KDM2B: variants seen among roughly 807,000 people sequenced by gnomAD.
KDM2B encodes the protein lysine-specific demethylase 2B.
In KDM2B, 26 loss-of-function variants were observed where a neutral mutation model predicts 150.0. The ratio of observed to expected loss-of-function variants is 0.17; its 90% CI spans 0.13 to 0.24. The LOEUF (loss-of-function observed/expected upper bound fraction) is 0.24. KDM2B is among the 10% of genes least tolerant of loss of function. The probability of loss-of-function intolerance (pLI) is 1.00; values close to 1 mark genes in which losing one functional copy is unlikely to be tolerated. For missense variants in KDM2B, 1,265 were observed against 1,816.9 expected (o/e 0.70, Z 5.52); for synonymous variants, 734 against 729.5 (o/e 1.01, Z -0.10).
At chr12:121,455,435 G>A (rs1446813761) in intron 12 of KDM2B, among the ~76,000 whole-genome samples, 3 of 152,230 alleles carry the variant, frequency 2.0e-5, no homozygotes, top group Admixed American at 1.3e-4. Context: ...AAGGGCGCCA[G>A]GAACGGTGGC....
chr12:121,455,343 G>C (rs1555292524), intron 12 of KDM2B, among the ~76,000 whole-genome samples: 2 of 152,206 alleles, frequency 1.3e-5, no homozygotes, highest in East Asian at 3.8e-4. Context: ...TCACAGGGAG[G>C]GCAAGCCCTG....
chr12:121,420,025 C>T, the KDM2B span: 4 of 467,084 alleles, frequency 8.6e-6, no homozygotes. Context: ...TTTACACACA[C>T]ACAGGAATTT....
intron 12 of KDM2B, among the ~76,000 whole-genome samples, chr12:121,466,301 T>A (rs1287251336): frequency 6.6e-6 from 1 of 152,262 alleles, no homozygotes; most frequent in African/African-American, 2.4e-5. Context: ...GCCTGCGTCC[T>A]GTTCCAAGTA....
chr12:121,551,608 A>G (rs1889502010), intron 4 of KDM2B, among the ~76,000 whole-genome samples: 1 of 152,154 alleles, frequency 6.6e-6, no homozygotes, highest in South Asian at 2.1e-4. Flanking sequence ...GTTGGAGTAT[A>G]GTGGCACAAT....
chr12:121,480,551 G>T (rs1881977971), intron 12 of KDM2B, among the ~76,000 whole-genome samples: 1 of 128,104 alleles, frequency 7.8e-6, no homozygotes, highest in African/African-American at 3.0e-5. Flanking sequence ...TTCAAGACCA[G>T]CCTGGGCAAC....
intron 21 of KDM2B, chr12:121,440,473 C>A: frequency 2.6e-6 from 1 of 379,136 alleles, no homozygotes; most frequent in East Asian, 5.5e-5. Context: ...GCAGTGGAGG[C>A]TTGAAACCAA....
At chr12:121,550,797 A>AC (rs1889426417) in intron 4 of KDM2B, among the ~76,000 whole-genome samples, 3 of 151,362 alleles carry the variant, frequency 2.0e-5, no homozygotes, top group Admixed American at 2.0e-4. Flanking sequence ...ACTGGCCTAG[A>AC]TTTTTTTTTC....
At chr12:121,458,625 A>T (rs1555293289) in intron 12 of KDM2B, among the ~76,000 whole-genome samples, 1 of 151,978 alleles carries the variant, frequency 6.6e-6, no homozygotes, top group Non-Finnish European at 1.5e-5. Flanking sequence ...AACATGGTGA[A>T]ACCCCATCCC....
intron 8 of KDM2B, among the ~76,000 whole-genome samples, chr12:121,522,217 G>A (rs1477315986): frequency 6.6e-6 from 1 of 151,874 alleles, no homozygotes; most frequent in Non-Finnish European, 1.5e-5. Flanking sequence ...TCCCGAAAAA[G>A]TATATACTAT....
intron 4 of KDM2B, among the ~76,000 whole-genome samples, chr12:121,551,399 G>C (rs1365327335): frequency 6.7e-6 from 1 of 149,174 alleles, no homozygotes; most frequent in Non-Finnish European, 1.5e-5. Context: ...AGGCTGGAGA[G>C]CAATGGCACG....
Position 121,477,428 on chromosome 12 carries a change from C to T in KDM2B, c.1734+17151G>A, listed in dbSNP as rs376015794. 6.3e-4 allele frequency among the ~76,000 whole-genome samples: 96 copies of T among 151,824 alleles called. No homozygotes were observed. In the South Asian group the frequency reaches 0.014, roughly 21 times the overall value. On this transcript the variant is annotated intron_variant, in intron 12 of 22. Transcript: ENST00000377071. ...GAGACAAAGTCTACTCTGTCACCTA[C>T]GCTGGAGTGCAGTGGCACAATCACA... is the stretch of plus-strand genomic sequence containing the variant.
chr12:121,501,735 C>T (rs566345290), intron 11 of KDM2B, among the ~76,000 whole-genome samples: 1 of 152,176 alleles, frequency 6.6e-6, no homozygotes, highest in African/African-American at 2.4e-5. Flanking sequence ...ATTCTCCTGC[C>T]TCAGCCTCCA....
chr12:121,541,433 A>AGGAG (rs1176429637), intron 6 of KDM2B, among the ~76,000 whole-genome samples: 80 of 125,546 alleles, frequency 6.4e-4, no homozygotes, highest in Non-Finnish European at 1.0e-3. Flanking sequence ...GACGGAGGGA[A>AGGAG]GGAGGGAGGG....
At chr12:121,542,724 G>A (rs1888706787) in intron 6 of KDM2B, among the ~76,000 whole-genome samples, 1 of 152,178 alleles carries the variant, frequency 6.6e-6, no homozygotes, top group South Asian at 2.1e-4. Flanking sequence ...TGAAGAAAAA[G>A]GCCATTGGCA....
intron 12 of KDM2B, among the ~76,000 whole-genome samples, chr12:121,471,866 A>G (rs1555295969): frequency 6.6e-6 from 1 of 152,128 alleles, no homozygotes; most frequent in Non-Finnish European, 1.5e-5. Flanking sequence ...AACAGAAGTG[A>G]CCCATGCCTG....
In KDM2B at chr12:121,499,402, T is replaced by C. The variant is rs534422640; in HGVS notation, c.1648-4737A>G. 8.6e-3 allele frequency among the ~76,000 whole-genome samples: 1,307 copies of C among 151,714 alleles called. 6 individuals carry two copies. Among genetic ancestry groups the C allele is most frequent in the Non-Finnish European group, 0.014 (924 of 67,920 alleles). On this transcript the variant is annotated intron_variant, in intron 11 of 22. Coordinates refer to ENST00000377071, the MANE Select transcript of KDM2B (RefSeq NM_032590.5). ...TCCCAAAGTGCTAGGATTATAGGCG[T>C]GAGCCACCACACCCGGCCAATAATT... is the stretch of plus-strand genomic sequence containing the variant.
intron 13 of KDM2B, among the ~76,000 whole-genome samples, chr12:121,446,221 C>G (rs1359009153): frequency 1.3e-5 from 2 of 152,168 alleles, no homozygotes; most frequent in East Asian, 1.9e-4. Flanking sequence ...CGGTGAAACC[C>G]CGTCTCTACT....
chr12:121,564,218 G>A (rs1555314406), intron 4 of KDM2B, among the ~76,000 whole-genome samples: 1 of 152,198 alleles, frequency 6.6e-6, no homozygotes, highest in Non-Finnish European at 1.5e-5. Context: ...AGCACTTTGG[G>A]AAGCTGAAGC....
In KDM2B at chr12:121,442,266, C is replaced by G. The variant is rs781856357; in HGVS notation, c.3175G>C (p.Asp1059His). Residue 1059 changes from aspartate to histidine, a missense_variant, in exon 19 of 23, where the codon GAT (aspartate) becomes CAT (histidine). Physicochemically the swap from Asp to His is moderately conservative, Grantham distance 81. Coordinates refer to ENST00000377071, the MANE Select transcript of KDM2B (RefSeq NM_032590.5). The surrounding 1 kb of genome is among the most constrained non-coding windows in gnomAD (Gnocchi z 7.7). ...CTGTGCATGACGTGGGCTGCCCCATCGTCCAGGGGTAGCGAGTCAGGCGGG... is the reference window on the plus strand; with the variant it reads ...CTGTGCATGACGTGGGCTGCCCCATGGTCCAGGGGTAGCGAGTCAGGCGGG... ...SPPPDSLPLDDGAAHVMHREV... is the reference protein window; with the variant it reads ...SPPPDSLPLDHGAAHVMHREV... 6.2e-7 allele frequency: 1 copy of G among 1,612,044 alleles called. No individual in the cohort carries two copies. The highest frequency in any genetic ancestry group is 1.7e-5 in the Admixed American group (1 of 59,954).
Sources: gnomAD v4.1 joint callset for allele counts (sites outside exome capture counted in the v4.1 genomes callset) on GRCh38, gnomAD v4.1.1 for gene constraint, Gnocchi (gnomAD v3.1) non-coding constraint, MANE v1.5 for transcripts, NCBI Gene and HGNC (gene_info 2026-07-23, HGNC 2026-07-21) for gene names.